FHIT: variants seen among roughly 807,000 people sequenced by gnomAD.
FHIT encodes the protein fragile histidine triad diadenosine triphosphatase.
A neutral mutation model predicts 17.9 loss-of-function variants in FHIT; 19 were observed. The ratio of observed to expected loss-of-function variants is 1.06; its 90% confidence interval spans 0.74 to 1.56. The LOEUF (loss-of-function observed/expected upper bound fraction) is 1.56. FHIT is among the 40% of genes most tolerant of loss of function. The pLI is 0.00. For synonymous variants in FHIT, 81 were observed against 69.7 expected (o/e 1.16, Z -0.81); for missense variants, 248 against 189.2 (o/e 1.31, Z -1.82).
At chr3:60,355,391 C>G (rs997222003) in intron 5 of FHIT, among the ~76,000 whole-genome samples, 2 of 151,966 alleles carry the variant, frequency 1.3e-5, no homozygotes, top group East Asian at 3.9e-4. Context: ...TCTAATCTGT[C>G]ATCTGTTATT....
intron 5 of FHIT, among the ~76,000 whole-genome samples, chr3:60,176,180 C>T (rs182397077): frequency 3.9e-4 from 60 of 152,140 alleles, no homozygotes; most frequent in Admixed American, 1.3e-4. Context: ...GGCGAAACCC[C>T]GTCTCTACTA....
chr3:60,952,359 T>G (rs2107462700), intron 3 of FHIT, among the ~76,000 whole-genome samples: 1 of 152,256 alleles, frequency 6.6e-6, no homozygotes, highest in South Asian at 2.1e-4. Flanking sequence ...CTTGGCCTAT[T>G]TATTCATCTT....
At chr3:60,788,832 T>C (rs1700672942) in intron 4 of FHIT, among the ~76,000 whole-genome samples, 2 of 152,060 alleles carry the variant, frequency 1.3e-5, no homozygotes, top group African/African-American at 4.8e-5. Context: ...AGAGAAATAA[T>C]AGATACACAA....
intron 5 of FHIT, among the ~76,000 whole-genome samples, chr3:60,432,383 C>T (rs1464371093): frequency 6.6e-6 from 1 of 152,018 alleles, no homozygotes; most frequent in Non-Finnish European, 1.5e-5. Flanking sequence ...TAGATAGCTA[C>T]TACAATTATT....
chr3:60,898,805 T>C (rs1553762483), intron 3 of FHIT, among the ~76,000 whole-genome samples: 3 of 152,166 alleles, frequency 2.0e-5, no homozygotes, highest in Non-Finnish European at 4.4e-5. Flanking sequence ...TATAAATGCA[T>C]AGGATAGATC....
At chr3:60,430,999 G>A (rs372059513) in intron 5 of FHIT, among the ~76,000 whole-genome samples, 12 of 152,102 alleles carry the variant, frequency 7.9e-5, no homozygotes, top group African/African-American at 2.7e-4. Flanking sequence ...ATTACTTGAG[G>A]TCAACAGTTC....
At chr3:60,922,895 T>TA (rs1553768760) in intron 3 of FHIT, among the ~76,000 whole-genome samples, 2 of 152,218 alleles carry the variant, frequency 1.3e-5, no homozygotes, top group Non-Finnish European at 1.5e-5. Context: ...CATGTACAAT[T>TA]AGAGATGCCT....
intron 5 of FHIT, among the ~76,000 whole-genome samples, chr3:60,484,560 G>C (rs1034083539): frequency 2.0e-5 from 3 of 152,124 alleles, no homozygotes; most frequent in Admixed American, 1.3e-4. Flanking sequence ...ACAAAAACAA[G>C]CAATGGGGAA....
chr3:60,324,513 A>G (rs1269606510), intron 5 of FHIT, among the ~76,000 whole-genome samples: 1 of 147,744 alleles, frequency 6.8e-6, no homozygotes, highest in Non-Finnish European at 1.5e-5. Context: ...TGAACCCAGG[A>G]GGCGGAGCTT....
intron 5 of FHIT, among the ~76,000 whole-genome samples, chr3:60,448,691 C>T (rs2031512139): frequency 6.6e-6 from 1 of 152,160 alleles, no homozygotes; most frequent in African/African-American, 2.4e-5. Flanking sequence ...ATTTTCCCTG[C>T]ACTTTAAGAA....
chr3:61,088,122 A>G (rs1169153392), intron 2 of FHIT, among the ~76,000 whole-genome samples: 1 of 152,152 alleles, frequency 6.6e-6, no homozygotes, highest in African/African-American at 2.4e-5. Context: ...TAGATCACTC[A>G]TCTCTGCCCT....
chr3:60,124,862 T>A (rs1324519337), intron 5 of FHIT, among the ~76,000 whole-genome samples: 3 of 152,278 alleles, frequency 2.0e-5, no homozygotes. Context: ...AAGCTTTCAG[T>A]GATTCATGAA....
intron 5 of FHIT, among the ~76,000 whole-genome samples, chr3:60,444,835 A>G (rs1453993611): frequency 6.6e-6 from 1 of 151,668 alleles, no homozygotes; most frequent in Non-Finnish European, 1.5e-5. Context: ...CCTAGAACTT[A>G]AAGTATAATA....
At chr3:60,645,587 A>G (rs1276039741) in intron 4 of FHIT, among the ~76,000 whole-genome samples, 2 of 152,168 alleles carry the variant, frequency 1.3e-5, no homozygotes, top group Non-Finnish European at 1.5e-5. Flanking sequence ...CTCTGGACTC[A>G]TATATACAAA....
chr3:60,794,377 G>GATGC (rs564882750), intron 4 of FHIT, among the ~76,000 whole-genome samples: 20 of 109,788 alleles, frequency 1.8e-4, no homozygotes, highest in African/African-American at 9.9e-4. Flanking sequence ...AGGAAAAATG[G>GATGC]ATGGATGGAT....
intron 8 of FHIT, among the ~76,000 whole-genome samples, chr3:59,849,533 C>T (rs1701852400): frequency 6.6e-6 from 1 of 152,102 alleles, no homozygotes; most frequent in South Asian, 2.1e-4. Flanking sequence ...GCCTCCAACC[C>T]ACAAATATAT....
intron 8 of FHIT, among the ~76,000 whole-genome samples, chr3:59,865,058 T>C (rs1028671706): frequency 6.6e-6 from 1 of 152,164 alleles, no homozygotes; most frequent in African/African-American, 2.4e-5. Flanking sequence ...CCACTCTAGG[T>C]CAAATAGATG....
chr3:59,871,297 A>G lies in FHIT; in HGVS notation c.348+51049T>C, dbSNP rs541270276. Among the ~76,000 whole-genome samples, 3 of 152,320 alleles carry G rather than the reference A, an allele frequency of 2.0e-5. No individual in the cohort carries two copies. The East Asian group carries it at 5.8e-4, about 29-fold the overall frequency. On this transcript the variant is annotated intron_variant, in intron 8 of 9. Coordinates refer to ENST00000492590, the MANE Select transcript of FHIT (RefSeq NM_002012.4). ...CAATATCAGAGAGCATCAATATTGTAAATACGTTTTGATCTTATAGATAAC... is the reference window on the plus strand; with the variant it reads ...CAATATCAGAGAGCATCAATATTGTGAATACGTTTTGATCTTATAGATAAC...
At chr3:60,147,816 G>A (rs1468452584) in intron 5 of FHIT, among the ~76,000 whole-genome samples, 1 of 152,116 alleles carries the variant, frequency 6.6e-6, no homozygotes, top group Non-Finnish European at 1.5e-5. Flanking sequence ...GAGCAACGGT[G>A]CAGTTGTCGA....
Sources: gnomAD v4.1 joint callset for allele counts (sites outside exome capture counted in the v4.1 genomes callset) on GRCh38, gnomAD v4.1.1 for gene constraint, MANE v1.5 for transcripts, NCBI Gene and HGNC (gene_info 2026-07-23, HGNC 2026-07-21) for gene names.